DHRSX: variants seen among roughly 807,000 people sequenced by gnomAD.
DHRSX encodes dehydrogenase/reductase X-linked.
A neutral mutation model predicts 34.0 loss-of-function variants in DHRSX; 31 were observed. The observed-to-expected ratio is 0.91, with a 90% confidence interval of 0.69 to 1.23. The LOEUF (loss-of-function observed/expected upper bound fraction) is 1.23. DHRSX is among the 50% of genes most tolerant of loss of function. The probability of loss-of-function intolerance (pLI) is 0.00; values close to 1 mark genes in which losing one functional copy is unlikely to be tolerated. For missense variants in DHRSX, 414 were observed against 428.1 expected (o/e 0.97, Z 0.29); for synonymous variants, 201 against 183.8 (o/e 1.09, Z -0.76).
chrX:2,236,390 A>T (rs1293178448), intron 6 of DHRSX, among the ~76,000 whole-genome samples: 2 of 152,102 alleles, frequency 1.3e-5, no homozygotes, highest in African/African-American at 4.8e-5. Flanking sequence ...ATTGCAGGGA[A>T]AGGGTGAAGT....
chrX:2,368,317 T>C (rs973383875), intron 3 of DHRSX, among the ~76,000 whole-genome samples: 2 of 151,884 alleles, frequency 1.3e-5, no homozygotes, highest in Admixed American at 6.6e-5. Flanking sequence ...AACAAAATAA[T>C]TGGAGAGGGG....
At chrX:2,434,466 C>T (rs1400961245) in intron 1 of DHRSX, among the ~76,000 whole-genome samples, 5 of 152,050 alleles carry the variant, frequency 3.3e-5, no homozygotes, top group African/African-American at 7.2e-5. Context: ...GCTAGGAGCA[C>T]GAGGCCCAGC....
In DHRSX at chrX:2,241,299, G is replaced by A. The variant is rs1368160251; in HGVS notation, c.804+1724C>T. Among the ~76,000 whole-genome samples the A allele has an allele frequency of 2.0e-5, 3 of 152,290 alleles. No individual in the cohort carries two copies. The South Asian group carries it at 6.2e-4, about 32-fold the overall frequency. ...TGCAGAAATGTGGGAGCTTTCAGCT[G>A]CTGGGTCTTAAAAACCAACACCCCA... On this transcript the variant is annotated intron_variant, in intron 6 of 6. Transcript: ENST00000334651.
chrX:2,431,126 C>T (rs2043914871), intron 1 of DHRSX, among the ~76,000 whole-genome samples: 1 of 151,964 alleles, frequency 6.6e-6, no homozygotes, highest in African/African-American at 2.4e-5. Context: ...GAGATCGACA[C>T]CATCCTGGCT....
chrX:2,362,682 G>C (rs867564380), intron 3 of DHRSX, among the ~76,000 whole-genome samples: 6 of 152,146 alleles, frequency 3.9e-5, no homozygotes, highest in Non-Finnish European at 7.4e-5. Flanking sequence ...CCCAACCACA[G>C]GTGCTCCCAT....
At chrX:2,499,843 G>C (rs1408923281) in intron 1 of DHRSX, among the ~76,000 whole-genome samples, 1 of 151,910 alleles carries the variant, frequency 6.6e-6, no homozygotes, top group Non-Finnish European at 1.5e-5. Context: ...CCAGGAGTTC[G>C]AGACCAGCCT....
chrX:2,323,609 A>G (rs2042339593), intron 3 of DHRSX, among the ~76,000 whole-genome samples: 1 of 152,106 alleles, frequency 6.6e-6, no homozygotes, highest in Admixed American at 6.6e-5. Context: ...CAAAATATTT[A>G]AAATATATAC....
chrX:2,361,047 G>A (rs1261714941), intron 3 of DHRSX, among the ~76,000 whole-genome samples: 1 of 152,108 alleles, frequency 6.6e-6, no homozygotes, highest in Non-Finnish European at 1.5e-5. Flanking sequence ...CTGGCTGGCT[G>A]GAGCGTTGGC....
chrX:2,242,034 C>T (rs1038679904), intron 6 of DHRSX, among the ~76,000 whole-genome samples: 9 of 152,078 alleles, frequency 5.9e-5, no homozygotes, highest in Non-Finnish European at 1.0e-4. Context: ...ATATTCACCC[C>T]CAATTCCCCA....
intron 1 of DHRSX, among the ~76,000 whole-genome samples, chrX:2,480,721 T>A (rs866937883): frequency 2.7e-4 from 41 of 151,824 alleles, no homozygotes; most frequent in African/African-American, 8.9e-4. Flanking sequence ...TGGGAGGCTG[T>A]GGTGGGAGGG....
intron 1 of DHRSX, among the ~76,000 whole-genome samples, chrX:2,485,062 C>T (rs1016552189): frequency 6.6e-6 from 1 of 152,118 alleles, no homozygotes; most frequent in Non-Finnish European, 1.5e-5. Flanking sequence ...GGGGGGGAAA[C>T]AAAAACAACC....
intron 3 of DHRSX, among the ~76,000 whole-genome samples, chrX:2,344,698 A>G (rs2124565628): frequency 6.6e-6 from 1 of 151,722 alleles, no homozygotes; most frequent in Non-Finnish European, 1.5e-5. Flanking sequence ...GGAACATCAC[A>G]CACCAGGGTC....
chrX:2,241,107 C>T (rs1449180582), intron 6 of DHRSX, among the ~76,000 whole-genome samples: 2 of 152,152 alleles, frequency 1.3e-5, no homozygotes, highest in East Asian at 3.9e-4. Flanking sequence ...TCACTTGAAC[C>T]CGGGAGGCAG....
chrX:2,472,826 A>AT (rs898611829), intron 1 of DHRSX, among the ~76,000 whole-genome samples: 1 of 152,026 alleles, frequency 6.6e-6, no homozygotes, highest in South Asian at 2.1e-4. Context: ...ATTTTACTGA[A>AT]TTTTTTTTAA....
At chrX:2,490,821 A>G in intron 1 of DHRSX, 1 of 1,491,158 alleles carries the variant, frequency 6.7e-7, no homozygotes, top group Admixed American at 2.1e-5. Context: ...CCAGGCACGC[A>G]CGGGAGCCCT....
chrX:2,259,341 GAT>G (rs1410755638), intron 5 of DHRSX, among the ~76,000 whole-genome samples: 1 of 143,272 alleles, frequency 7.0e-6, no homozygotes, highest in Non-Finnish European at 1.5e-5. Context: ...GATATATATA[GAT>G]ATAGATATAT....
Position 2,488,562 on chromosome X carries a change from C to T in DHRSX, c.109+12255G>A, listed in dbSNP as rs981898139. 103 of 1,501,708 alleles carry T rather than the reference C, an allele frequency of 6.9e-5. 1 individual carries two copies. The Admixed American group carries it at 2.3e-3, about 33-fold the overall frequency. 93.0% of individuals were successfully genotyped at this position (1,501,708 alleles called of 1,614,324 possible). A position where few individuals can be genotyped will look rare whatever the true frequency, so the allele number is the denominator to read the frequency against. On this transcript the variant is annotated intron_variant, in intron 1 of 6. Coordinates refer to ENST00000334651, the MANE Select transcript of DHRSX (RefSeq NM_145177.3). ...TCTCTGAGGTTCAAAACCAAGCTGA[C>T]CGGGTAAGTATTTACAGCAAAGCAT...
rs1195297991 is a variant in DHRSX, at chrX:2,373,694, C to G, written c.286+35051G>C. 2.0e-5 allele frequency among the ~76,000 whole-genome samples: 3 copies of G among 152,258 alleles called. No individual in the cohort carries two copies. In the South Asian group the frequency reaches 6.2e-4, roughly 32 times the overall value. On this transcript the variant is annotated intron_variant, in intron 3 of 6. Coordinates refer to ENST00000334651, the MANE Select transcript of DHRSX (RefSeq NM_145177.3). ...GAAGTTTTCAGGGCTGAGCTGCCAA[C>G]GTGTGATACTTCAAGGGCCCCTGCG...
At chrX:2,318,553 A>AT (rs2042268646) in intron 3 of DHRSX, among the ~76,000 whole-genome samples, 1 of 143,464 alleles carries the variant, frequency 7.0e-6, no homozygotes, top group African/African-American at 2.9e-5. Context: ...GCTAACTCTA[A>AT]TGCATTCGCT....
Sources: gnomAD v4.1 joint callset for allele counts (sites outside exome capture counted in the v4.1 genomes callset) on GRCh38, gnomAD v4.1.1 for gene constraint, MANE v1.5 for transcripts, NCBI Gene and HGNC (gene_info 2026-07-23, HGNC 2026-07-21) for gene names.